NHS: variants seen among roughly 807,000 people sequenced by gnomAD.
NHS encodes NHS actin remodeling regulator.
A neutral mutation model predicts 72.5 loss-of-function variants in NHS; 5 were observed. The ratio of observed to expected loss-of-function variants is 0.07; its 90% CI spans 0.04 to 0.14. The LOEUF is 0.14. Ranked by LOEUF, NHS falls within the 10% of genes least tolerant of loss-of-function variation. The pLI is 1.00. For synonymous variants in NHS, 464 were observed against 547.7 expected (o/e 0.85, Z 2.13); for missense variants, 1,072 against 1,355.7 (o/e 0.79, Z 3.29).
chrX:17,563,905 T>G (rs1211846273), intron 1 of NHS, among the ~76,000 whole-genome samples: 1 of 111,638 alleles, frequency 9.0e-6, no homozygotes, highest in Non-Finnish European at 1.9e-5. Context: ...CTACAAAGTT[T>G]GGCATGGATA....
At chrX:17,655,080 T>TG (rs924188104) in intron 1 of NHS, among the ~76,000 whole-genome samples, 10 of 111,635 alleles carry the variant, frequency 9.0e-5, no homozygotes, top group African/African-American at 3.3e-4. Context: ...CGGAGATGAA[T>TG]GGGGGGAGGG....
chrX:17,404,190 T>C (rs1417202706), intron 1 of NHS, among the ~76,000 whole-genome samples: 1 of 111,804 alleles, frequency 8.9e-6, no homozygotes, highest in Non-Finnish European at 1.9e-5. Context: ...GTGTCGTAAT[T>C]CCCTCTGGGC....
intron 1 of NHS, among the ~76,000 whole-genome samples, chrX:17,491,454 A>C (rs772799119): frequency 2.7e-5 from 3 of 112,037 alleles, no homozygotes; most frequent in East Asian, 5.6e-4. Flanking sequence ...CCAGCCTTGC[A>C]TCCCAGGGAT....
At chrX:17,440,058 G>A (rs1251846431) in intron 1 of NHS, among the ~76,000 whole-genome samples, 2 of 109,708 alleles carry the variant, frequency 1.8e-5, no homozygotes, top group African/African-American at 3.3e-5. Context: ...TCAGGAGTTC[G>A]AGACCAGCCT....
chrX:17,440,634 T>A (rs1386303556), intron 1 of NHS, among the ~76,000 whole-genome samples: 1 of 111,932 alleles, frequency 8.9e-6, no homozygotes, highest in Non-Finnish European at 1.9e-5. Context: ...TTTCATGACC[T>A]TGTAAATTTG....
Position 17,728,296 on chromosome X carries a change from C to T in NHS, c.4190C>T (p.Thr1397Ile). The change falls in exon 7 of 9, where the codon ACC becomes ATC. Residue 1397 changes from threonine (T) to isoleucine (I), a missense_variant. By Grantham distance (89) the Thr-to-Ile change is moderately conservative. Coordinates refer to ENST00000676302, the MANE Select transcript of NHS (RefSeq NM_001291867.2). ...SASDNSKAEE[T>I]QGNVDEASLK... is the part of the protein sequence containing the mutation. ...TCTGATAACAGCAAAGCAGAGGAGA[C>T]CCAAGGAAATGTGGATGAGGCTTCA... is the stretch of plus-strand genomic sequence containing the variant. 8.3e-7 allele frequency: 1 copy of T among 1,211,301 alleles called. No homozygotes were observed. Among genetic ancestry groups the T allele is most frequent in the East Asian group, 3.0e-5 (1 of 33,824 alleles).
intron 1 of NHS, among the ~76,000 whole-genome samples, chrX:17,548,596 C>G (rs1360476574): frequency 8.9e-6 from 1 of 111,931 alleles, no homozygotes; most frequent in African/African-American, 3.3e-5. Context: ...GCACACATTC[C>G]TGCATGCACA....
At chrX:17,682,558 C>G (rs766701379) in intron 1 of NHS, among the ~76,000 whole-genome samples, 1 of 111,384 alleles carries the variant, frequency 9.0e-6, no homozygotes, top group Admixed American at 9.5e-5. Flanking sequence ...TTTTTCTTCC[C>G]TCCCTTGAAG....
At chrX:17,502,285 T>C (rs922770955) in intron 1 of NHS, among the ~76,000 whole-genome samples, 22 of 111,341 alleles carry the variant, frequency 2.0e-4, no homozygotes, top group Admixed American at 1.4e-3. Context: ...TGCCCAGCTT[T>C]AATCTCTGCG....
chrX:17,496,582 A>G (rs2065013304), intron 1 of NHS, among the ~76,000 whole-genome samples: 1 of 111,456 alleles, frequency 9.0e-6, no homozygotes, highest in Non-Finnish European at 1.9e-5. Flanking sequence ...ATATCTTGGC[A>G]AGCAGATGTC....
In NHS at chrX:17,694,719, C is replaced by T. The variant is rs775795063; in HGVS notation, c.852+2251C>T. 1.1e-4 allele frequency among the ~76,000 whole-genome samples: 12 copies of T among 111,923 alleles called. No individual in the cohort carries two copies. In the South Asian group the frequency reaches 1.1e-3, roughly 10 times the overall value. On this transcript the variant is annotated intron_variant, in intron 3 of 8. Coordinates refer to ENST00000676302, the MANE Select transcript of NHS (RefSeq NM_001291867.2). ...TCATAGCCTTGGCATGAGAATTGAA[C>T]GTGGTAATACATGTAAACAGTACCT...
intron 1 of NHS, among the ~76,000 whole-genome samples, chrX:17,469,524 G>C (rs768569586): frequency 2.7e-5 from 3 of 112,086 alleles, no homozygotes; most frequent in Admixed American, 1.9e-4. Flanking sequence ...TCTTCAGTGA[G>C]GGGAGAGGCG....
intron 1 of NHS, among the ~76,000 whole-genome samples, chrX:17,555,715 T>C (rs2065367131): frequency 8.9e-6 from 1 of 111,745 alleles, no homozygotes; most frequent in Non-Finnish European, 1.9e-5. Flanking sequence ...TAAGATACCA[T>C]CTTGGAGTGT....
intron 1 of NHS, among the ~76,000 whole-genome samples, chrX:17,652,974 G>T (rs2065937306): frequency 9.0e-6 from 1 of 111,256 alleles, no homozygotes; most frequent in Non-Finnish European, 1.9e-5. Context: ...ACTGGGCCCA[G>T]ACTCTGCTGT....
intron 1 of NHS, among the ~76,000 whole-genome samples, chrX:17,601,457 A>T (rs1389520136): frequency 8.9e-6 from 1 of 112,043 alleles, no homozygotes; most frequent in African/African-American, 3.2e-5. Flanking sequence ...ATGGAGGAAA[A>T]TACTAAAAGA....
In NHS at chrX:17,375,948, C is replaced by A; in HGVS notation, c.191C>A (p.Pro64His). ...GAGCCAGCCCGCGCCGTCCCTGCAC[C>A]TTCAGGGCTGCCACCGCCGCCGCCG... ...PEEPARAVPAPSGLPPPPPPL... is the reference protein window; with the variant it reads ...PEEPARAVPAHSGLPPPPPPL... Residue 64 changes from proline (P) to histidine (H), a missense_variant, in exon 1 of 9, where the codon CCT (proline) becomes CAT (histidine). Physicochemically the swap from Pro to His is moderately conservative, Grantham distance 77. Transcript: ENST00000676302. 9.3e-7 allele frequency: 1 copy of A among 1,080,398 alleles called. No homozygotes were observed. 89.0% of individuals were successfully genotyped at this position (1,080,398 alleles called of 1,213,427 possible).
At chrX:17,679,857 A>G (rs1470414516) in intron 1 of NHS, among the ~76,000 whole-genome samples, 1 of 76,951 alleles carries the variant, frequency 1.3e-5, no homozygotes, top group Non-Finnish European at 2.2e-5. Flanking sequence ...CAGAATGAAG[A>G]AAGGGGGGGG....
At chrX:17,519,752 C>T (rs1440929850) in intron 1 of NHS, among the ~76,000 whole-genome samples, 2 of 111,122 alleles carry the variant, frequency 1.8e-5, no homozygotes, top group Non-Finnish European at 3.8e-5. Flanking sequence ...TTAGGATAAC[C>T]CACCGGGACC....
chrX:17,413,799 TAAAC>T (rs1373772877), intron 1 of NHS, among the ~76,000 whole-genome samples: 1 of 111,695 alleles, frequency 9.0e-6, no homozygotes, highest in Non-Finnish European at 1.9e-5. Context: ...CAGATAAACA[TAAAC>T]AAATCTTACT....
Sources: allele counts gnomAD v4.1 joint callset (sites outside exome capture counted in the v4.1 genomes callset), GRCh38; gene constraint gnomAD v4.1.1; transcripts MANE v1.5; gene names NCBI Gene and HGNC (gene_info 2026-07-23, HGNC 2026-07-21).